FSTL5: variants seen among roughly 807,000 people sequenced by gnomAD.
FSTL5 encodes the protein follistatin-related protein 5.
In FSTL5, 62 loss-of-function variants were observed where a neutral mutation model predicts 89.1. The ratio of observed to expected loss-of-function variants is 0.70; its 90% CI spans 0.57 to 0.86. The LOEUF (loss-of-function observed/expected upper bound fraction) is 0.86. FSTL5 is among the 40% of genes least tolerant of loss of function. FSTL5 has a pLI of 0.00. For synonymous variants in FSTL5, 383 were observed against 346.2 expected (o/e 1.11, Z -1.18); for missense variants, 1,057 against 1,001.6 (o/e 1.06, Z -0.75).
At chr4:161,869,888 A>G (rs914299498) in intron 4 of FSTL5, among the ~76,000 whole-genome samples, 1 of 152,124 alleles carries the variant, frequency 6.6e-6, no homozygotes, top group Admixed American at 6.5e-5. Context: ...CAAGATTAAA[A>G]TTTCTCCTTG....
At chr4:161,776,964 T>A (rs1741433201) in intron 4 of FSTL5, among the ~76,000 whole-genome samples, 1 of 151,850 alleles carries the variant, frequency 6.6e-6, no homozygotes, top group Non-Finnish European at 1.5e-5. Flanking sequence ...CATTAGATCT[T>A]ATTCCTTCTA....
chr4:161,843,183 A>T (rs1162799764), intron 4 of FSTL5, among the ~76,000 whole-genome samples: 5 of 152,112 alleles, frequency 3.3e-5, no homozygotes, highest in Non-Finnish European at 7.4e-5. Context: ...GGTTCTAAAA[A>T]GTTAGGTGAT....
At chr4:161,704,195 C>G (rs144777497) in intron 6 of FSTL5, among the ~76,000 whole-genome samples, 133 of 152,236 alleles carry the variant, frequency 8.7e-4, no homozygotes, top group African/African-American at 3.1e-3. Flanking sequence ...CACCATTTGT[C>G]TCTTATCTTC....
At chr4:161,810,783 G>A (rs1340347731) in intron 4 of FSTL5, among the ~76,000 whole-genome samples, 1 of 152,018 alleles carries the variant, frequency 6.6e-6, no homozygotes, top group Admixed American at 6.6e-5. Flanking sequence ...TCAACATATA[G>A]AAGATACCCA....
chr4:161,866,372 T>C (rs1732088887), intron 4 of FSTL5, among the ~76,000 whole-genome samples: 6 of 152,080 alleles, frequency 3.9e-5, no homozygotes, highest in African/African-American at 1.4e-4. Context: ...GTAGAACTTG[T>C]ATGCCTGCTG....
chr4:161,674,077 A>G (rs2126701189), intron 6 of FSTL5, among the ~76,000 whole-genome samples: 1 of 152,190 alleles, frequency 6.6e-6, no homozygotes, highest in Admixed American at 6.6e-5. Context: ...ACTGCAAAAT[A>G]AAAACAATAT....
At chr4:161,840,608 T>A (rs1433692853) in intron 4 of FSTL5, among the ~76,000 whole-genome samples, 1 of 152,160 alleles carries the variant, frequency 6.6e-6, no homozygotes, top group Non-Finnish European at 1.5e-5. Flanking sequence ...CCCTCAAATT[T>A]AATTTAGGTG....
At chr4:161,560,271 C>T (rs755189446) in intron 8 of FSTL5, among the ~76,000 whole-genome samples, 5 of 151,704 alleles carry the variant, frequency 3.3e-5, no homozygotes, top group Non-Finnish European at 7.4e-5. Context: ...GCGCACTTAC[C>T]ACGAATGAAG....
At chr4:161,685,564 G>T (rs1274965495) in intron 6 of FSTL5, among the ~76,000 whole-genome samples, 1 of 152,098 alleles carries the variant, frequency 6.6e-6, no homozygotes, top group Admixed American at 6.6e-5. Flanking sequence ...TCTCAGCTTG[G>T]TCGCTATTGG....
intron 4 of FSTL5, among the ~76,000 whole-genome samples, chr4:161,788,500 G>A (rs927925898): frequency 2.0e-5 from 3 of 152,130 alleles, no homozygotes; most frequent in Admixed American, 6.5e-5. Context: ...ACCTAAGTGG[G>A]AACATGCAGT....
intron 3 of FSTL5, among the ~76,000 whole-genome samples, chr4:161,991,041 CA>C (rs2111076191): frequency 6.6e-6 from 1 of 152,176 alleles, no homozygotes; most frequent in East Asian, 1.9e-4. Context: ...AGATATGAAC[CA>C]AATCCCAGCA....
intron 3 of FSTL5, among the ~76,000 whole-genome samples, chr4:161,985,911 C>A (rs1167297985): frequency 6.6e-6 from 1 of 151,980 alleles, no homozygotes; most frequent in Non-Finnish European, 1.5e-5. Context: ...AATGTGGAGT[C>A]CTCTATGGAA....
In FSTL5 at chr4:161,732,705, A is replaced by AT. The variant is rs545037892; in HGVS notation, c.727+26705dup. On this transcript the variant is annotated intron_variant, in intron 6 of 15. Transcript: ENST00000306100. ...GGTAAGGATTAAAGTGTGTTTGTTT[A>AT]TTTTGTCTATGCATATTTATTTGTT... Among the ~76,000 whole-genome samples the AT allele has an allele frequency of 2.2e-3, 337 of 151,898 alleles. 2 individuals carry two copies. The highest frequency in any genetic ancestry group is 7.6e-3 in the African/African-American group (316 of 41,498).
chr4:162,058,005 TCACA>T (rs1738602707), intron 2 of FSTL5, among the ~76,000 whole-genome samples: 1 of 152,158 alleles, frequency 6.6e-6, no homozygotes, highest in South Asian at 2.1e-4. Flanking sequence ...AGATAGTATG[TCACA>T]CACATATTCT....
chr4:161,580,247 A>T (rs1298696748), intron 8 of FSTL5, among the ~76,000 whole-genome samples: 1 of 152,224 alleles, frequency 6.6e-6, no homozygotes, highest in African/African-American at 2.4e-5. Flanking sequence ...GAGGCTTTGA[A>T]GTTAACGAAT....
At chr4:161,395,785 G>A (rs915532726) in intron 15 of FSTL5, among the ~76,000 whole-genome samples, 5 of 152,098 alleles carry the variant, frequency 3.3e-5, no homozygotes, top group Non-Finnish European at 7.4e-5. Context: ...AGACTGTTCA[G>A]AAATATACTA....
chr4:161,769,257 C>T (rs1741125476), intron 5 of FSTL5, among the ~76,000 whole-genome samples: 1 of 151,832 alleles, frequency 6.6e-6, no homozygotes, highest in Non-Finnish European at 1.5e-5. Flanking sequence ...TTTTACTAAA[C>T]ATTTAAAGAA....
At chr4:161,555,810 T>C (rs1254632924) in intron 8 of FSTL5, among the ~76,000 whole-genome samples, 1 of 151,584 alleles carries the variant, frequency 6.6e-6, no homozygotes, top group African/African-American at 2.4e-5. Flanking sequence ...TTTGAAAATA[T>C]GAGGGGTTTT....
chr4:161,867,339 A>C (rs1335094237), intron 4 of FSTL5, among the ~76,000 whole-genome samples: 7 of 152,044 alleles, frequency 4.6e-5, no homozygotes, highest in Admixed American at 3.3e-4. Context: ...TTAATTTATC[A>C]GTATCTCAAA....
Sources: gnomAD v4.1 joint callset for allele counts (sites outside exome capture counted in the v4.1 genomes callset) on GRCh38, gnomAD v4.1.1 for gene constraint, MANE v1.5 for transcripts, NCBI Gene and HGNC (gene_info 2026-07-23, HGNC 2026-07-21) for gene names.